Variants in DOCK8 observed in about 807,000 individuals in gnomAD.
DOCK8 encodes the protein dedicator of cytokinesis protein 8.
A neutral mutation model predicts 245.6 loss-of-function variants in DOCK8; 141 were observed. The observed-to-expected ratio is 0.57, with a 90% CI of 0.50 to 0.66. The LOEUF (loss-of-function observed/expected upper bound fraction) is 0.66. DOCK8 is among the 30% of genes least tolerant of loss of function. DOCK8 has a pLI of 0.00. For missense variants in DOCK8, 2,965 were observed against 2,603.4 expected, an observed-to-expected ratio of 1.14 and a Z score of -3.02; for synonymous variants, 1,168 against 970.2, an observed-to-expected ratio of 1.20 and a Z score of -3.79.
chr9:211,914 A>G (rs558579665), upstream of DOCK8, among the ~76,000 whole-genome samples: 10 of 152,320 alleles, frequency 6.6e-5, no homozygotes, highest in Admixed American at 1.3e-4. Context: ...ATGTGTGATT[A>G]TGGAGAGATA....
intron 2 of DOCK8, among the ~76,000 whole-genome samples, chr9:282,707 G>C (rs150962282): frequency 1.6e-4 from 24 of 152,286 alleles, no homozygotes; most frequent in African/African-American, 5.5e-4. Flanking sequence ...GCAGGTGTGA[G>C]CCACCTTGCC....
At chr9:341,439 T>C (rs541752019) in intron 14 of DOCK8, among the ~76,000 whole-genome samples, 14 of 152,332 alleles carry the variant, frequency 9.2e-5, no homozygotes, top group African/African-American at 3.4e-4. Context: ...AAAAATCATC[T>C]CTTCCCCACC....
At chr9:422,013 A>G (rs370705296) in intron 32 of DOCK8, 35 bp from the exon 33 acceptor site, 17 of 1,552,666 alleles carry the variant, frequency 1.1e-5, no homozygotes, top group Admixed American at 3.3e-5. Context: ...GTTTCATGCT[A>G]ATCAAATTCC....
intron 7 of DOCK8, among the ~76,000 whole-genome samples, chr9:325,464 A>T (rs2050722492): frequency 6.6e-6 from 1 of 152,226 alleles, no homozygotes; most frequent in African/African-American, 2.4e-5. Flanking sequence ...TGTAATGTCC[A>T]CCATGATCTC....
rs1170556007 is a variant in DOCK8, at chr9:271,733, A to T, written c.156+4A>T. On this transcript the variant is annotated splice_donor_region_variant and intron_variant, in intron 2 of 47. Transcript: ENST00000432829. ...TGGCTTCCCCTCTCTTCAACTAGTA[A>T]GTATGAGTTCCAGGTTTACTTAGCG... 7.1e-6 allele frequency: 11 copies of T among 1,546,334 alleles called. No individual in the cohort carries two copies. The highest frequency in any genetic ancestry group is 9.6e-6 in the Non-Finnish European group (11 of 1,142,024).
chr9:247,602 C>T (rs1371330219), intron 1 of DOCK8, among the ~76,000 whole-genome samples: 2 of 152,098 alleles, frequency 1.3e-5, no homozygotes, highest in South Asian at 2.1e-4. Context: ...GACGTGATCT[C>T]GGCTCACTGC....
At chr9:232,238 G>A (rs1453473122) in intron 1 of DOCK8, among the ~76,000 whole-genome samples, 1 of 152,152 alleles carries the variant, frequency 6.6e-6, no homozygotes, top group Non-Finnish European at 1.5e-5. Context: ...GCATCCCAGG[G>A]ATGAAGCCCA....
chr9:325,709 C>G lies in DOCK8; in HGVS notation c.866C>G (p.Ala289Gly). ...IEIEPLFASI[A>G]LYDVKERKKI... ...ATTGAGCCCCTGTTTGCCAGCATTGCCCTCTACGATGTTAAAGAAAGGAAA... is the reference window on the plus strand; with the variant it reads ...ATTGAGCCCCTGTTTGCCAGCATTGGCCTCTACGATGTTAAAGAAAGGAAA... The change falls in exon 8 of 48, where the codon GCC (alanine) becomes GGC (glycine). Residue 289 changes from alanine (A) to glycine (G), a missense_variant. Around this residue, in one of 3 missense-constraint regions of DOCK8, gnomAD observed 2,825 missense variants for 2,453.5 expected, o/e 1.15. Coordinates refer to ENST00000432829, the MANE Select transcript of DOCK8 (RefSeq NM_203447.4). 6.2e-7 allele frequency: 1 copy of G among 1,613,952 alleles called. No homozygotes were observed. Among genetic ancestry groups the G allele is most frequent in the South Asian group, 1.1e-5 (1 of 91,076 alleles).
chr9:461,083 T>G (rs2057789175), intron 46 of DOCK8, among the ~76,000 whole-genome samples: 1 of 152,190 alleles, frequency 6.6e-6, no homozygotes, highest in Non-Finnish European at 1.5e-5. Context: ...AATAACGTGA[T>G]TTTCTTCTTT....
In DOCK8 at chr9:429,597, T is replaced by A. The variant is rs1442131692; in HGVS notation, c.4474-105T>A. 7.9e-6 allele frequency: 11 copies of A among 1,387,632 alleles called. No individual in the cohort carries two copies. In the Admixed American group the frequency reaches 1.9e-4, roughly 23 times the overall value. 86.0% of individuals were successfully genotyped at this position (1,387,632 alleles called of 1,614,324 possible). A position where few individuals can be genotyped will look rare whatever the true frequency, so the allele number is the denominator to read the frequency against. ...TCTTTATGGAATAATGCATTAACTCTTCTAGGCTTTTTGCTTGTCCAAATG... is the reference window on the plus strand; with the variant it reads ...TCTTTATGGAATAATGCATTAACTCATCTAGGCTTTTTGCTTGTCCAAATG... On this transcript the variant is annotated intron_variant, in intron 35 of 47. Transcript: ENST00000432829.
At chr9:338,489 C>G (rs747864372) in intron 12 of DOCK8, among the ~76,000 whole-genome samples, 3 of 152,146 alleles carry the variant, frequency 2.0e-5, no homozygotes, top group Non-Finnish European at 4.4e-5. Flanking sequence ...TACCCACTTA[C>G]CTTACTGGGT....
intron 14 of DOCK8, among the ~76,000 whole-genome samples, chr9:353,955 ATTAT>A (rs1024376328): frequency 6.6e-5 from 10 of 152,168 alleles, no homozygotes; most frequent in African/African-American, 2.4e-4. Flanking sequence ...CCAAGGAAAA[ATTAT>A]TTATACTTTT....
At chr9:333,428 C>CT (rs1563931755) in intron 10 of DOCK8, among the ~76,000 whole-genome samples, 1 of 151,876 alleles carries the variant, frequency 6.6e-6, no homozygotes, top group East Asian at 1.9e-4. Flanking sequence ...GGTGAAACCC[C>CT]GTCTCTGCTA....
chr9:391,899 G>A (rs529748517), intron 24 of DOCK8, among the ~76,000 whole-genome samples: 13 of 149,562 alleles, frequency 8.7e-5, no homozygotes, highest in African/African-American at 3.0e-4. Flanking sequence ...AGCACTTTGG[G>A]AGGCTGAGGC....
intron 23 of DOCK8, among the ~76,000 whole-genome samples, chr9:389,144 C>T (rs1355270858): frequency 6.6e-6 from 1 of 152,152 alleles, no homozygotes; most frequent in Non-Finnish European, 1.5e-5. Context: ...CTGAGGGAGT[C>T]CCCAAGATGT....
intron 1 of DOCK8, among the ~76,000 whole-genome samples, chr9:219,853 C>G (rs78168802): frequency 6.6e-6 from 1 of 151,914 alleles, no homozygotes; most frequent in African/African-American, 2.4e-5. Context: ...GCAGTGATTG[C>G]GCCACTGCAC....
chr9:319,741 A>G (rs1453805915), intron 7 of DOCK8, among the ~76,000 whole-genome samples: 1 of 152,210 alleles, frequency 6.6e-6, no homozygotes, highest in African/African-American at 2.4e-5. Context: ...TCAAAGATAC[A>G]GAGAGAATTA....
At chr9:318,548 C>T (rs946589847) in intron 7 of DOCK8, among the ~76,000 whole-genome samples, 3 of 152,248 alleles carry the variant, frequency 2.0e-5, no homozygotes, top group African/African-American at 4.8e-5. Context: ...AGTCTGCTCA[C>T]ACAGCTATGG....
chr9:282,309 G>A (rs2048621354), intron 2 of DOCK8, among the ~76,000 whole-genome samples: 1 of 151,870 alleles, frequency 6.6e-6, no homozygotes, highest in South Asian at 2.1e-4. Context: ...TTTCTCCCTG[G>A]ATAGTCTCTC....
Sources: gnomAD v4.1 joint callset for allele counts (sites outside exome capture counted in the v4.1 genomes callset) on GRCh38, gnomAD v4.1.1 for gene constraint, gnomAD v4.1.1 regional missense constraint, MANE v1.5 for transcripts, NCBI Gene and HGNC (gene_info 2026-07-23, HGNC 2026-07-21) for gene names.